The following RYR2 variants were observed in gnomAD, a reference collection of about 807,000 sequenced individuals.
RYR2 encodes ryanodine receptor 2, also known as cardiac muscle ryanodine receptor-calcium release channel.
RYR2 carries 227 observed loss-of-function variants against 601.1 expected under a neutral mutation model. The ratio of observed to expected loss-of-function variants is 0.38; its 90% CI spans 0.34 to 0.42. The LOEUF (loss-of-function observed/expected upper bound fraction) is 0.42. Ranked by LOEUF, RYR2 falls within the 10% of genes least tolerant of loss-of-function variation. The pLI, the probability that RYR2 is intolerant of heterozygous loss-of-function variation, is 1.00. For missense variants in RYR2, 4,646 were observed against 6,156.5 expected (o/e 0.75, Z 8.21); for synonymous variants, 2,223 against 2,175.1 (o/e 1.02, Z -0.61).
intron 11 of RYR2, among the ~76,000 whole-genome samples, chr1:237,421,415 C>T (rs1705559882): frequency 6.6e-6 from 1 of 152,038 alleles, no homozygotes; most frequent in African/African-American, 2.4e-5. Context: ...TAAGACAATA[C>T]CGTGTTATCT....
At position 237,610,727 on chromosome 1, in the gene RYR2, T is replaced by A; in HGVS notation, c.4684-35T>A. 1 of 1,518,834 alleles carries A rather than the reference T, an allele frequency of 6.6e-7. No homozygotes were observed. The highest frequency in any genetic ancestry group is 1.2e-5 in the South Asian group (1 of 83,148). 94.1% of individuals were successfully genotyped at this position (1,518,834 alleles called of 1,614,324 possible). ...ACTTTGTGAACCCCAAGGGATGTTC[T>A]ACATTTATTCTTTTTCTGCCTCCCC... On this transcript the variant is annotated intron_variant, in intron 35 of 104. Coordinates refer to ENST00000366574, the MANE Select transcript of RYR2 (RefSeq NM_001035.3). This position sits in a 1 kb window ranked among gnomAD's most constrained non-coding sequence, Gnocchi z 4.9.
chr1:237,797,163 C>G (rs887290353), intron 96 of RYR2, among the ~76,000 whole-genome samples: 2 of 152,124 alleles, frequency 1.3e-5, no homozygotes, highest in South Asian at 4.2e-4. Context: ...CAGAGTTGGA[C>G]ATAACTGAGC....
chr1:237,382,910 T>C (rs950476209), intron 8 of RYR2, among the ~76,000 whole-genome samples: 11 of 138,008 alleles, frequency 8.0e-5, no homozygotes, highest in African/African-American at 3.3e-4. Context: ...CCTCATTTGT[T>C]TTTGTTTTTT....
In RYR2 at chr1:237,639,000, C is replaced by T. The variant is rs757833713; in HGVS notation, c.6929-15C>T. On this transcript the variant is annotated splice_polypyrimidine_tract_variant and intron_variant, in intron 45 of 104. Coordinates refer to ENST00000366574, the MANE Select transcript of RYR2 (RefSeq NM_001035.3). The stretch of plus-strand genomic sequence containing the variant: ...TAATCATATTTGTTTACTTATCTTC[C>T]CCATTCTACTTTAGGGGAGAGTGTG... 2 of 1,612,604 alleles carry T rather than the reference C, an allele frequency of 1.2e-6. No individual in the cohort carries two copies. Among genetic ancestry groups the T allele is most frequent in the Admixed American group, 1.7e-5 (1 of 59,944 alleles).
intron 14 of RYR2, among the ~76,000 whole-genome samples, chr1:237,452,591 T>G (rs2150207905): frequency 6.7e-6 from 1 of 148,332 alleles, no homozygotes; most frequent in South Asian, 2.1e-4. Flanking sequence ...TTCATTTTTC[T>G]TCTGGATATA....
At chr1:237,112,715 G>A (rs1321622283) in intron 1 of RYR2, among the ~76,000 whole-genome samples, 1 of 152,024 alleles carries the variant, frequency 6.6e-6, no homozygotes, top group South Asian at 2.1e-4. Flanking sequence ...ATGTTTTTAG[G>A]GCTCCACTTT....
intron 92 of RYR2, among the ~76,000 whole-genome samples, chr1:237,788,742 G>A (rs1275715910): frequency 6.6e-6 from 1 of 152,070 alleles, no homozygotes; most frequent in African/African-American, 2.4e-5. Flanking sequence ...ATACTGTCCT[G>A]TACATTTTAC....
chr1:237,200,629 C>A (rs34508266), intron 1 of RYR2, among the ~76,000 whole-genome samples: 3 of 152,098 alleles, frequency 2.0e-5, no homozygotes, highest in Non-Finnish European at 2.9e-5. Flanking sequence ...AGGAAAACTG[C>A]AGATTCTGGG....
intron 25 of RYR2, among the ~76,000 whole-genome samples, chr1:237,533,048 T>C (rs1447259838): frequency 6.6e-6 from 1 of 152,184 alleles, no homozygotes; most frequent in Non-Finnish European, 1.5e-5. Context: ...GTTTGTCTCA[T>C]TGAGGAACTA....
intron 1 of RYR2, among the ~76,000 whole-genome samples, chr1:237,099,143 A>G (rs1197121113): frequency 1.3e-5 from 2 of 151,972 alleles, no homozygotes; most frequent in Admixed American, 6.6e-5. Flanking sequence ...ATCAGCATAC[A>G]TATAACATTT....
chr1:237,612,389 T>C, intron 36 of RYR2, among the ~76,000 whole-genome samples: 1 of 152,310 alleles, frequency 6.6e-6, no homozygotes, highest in South Asian at 2.1e-4. Context: ...CATAAACTAT[T>C]AAATTATGTA....
chr1:237,254,472 A>C (rs1056229065), intron 1 of RYR2, among the ~76,000 whole-genome samples: 44 of 152,216 alleles, frequency 2.9e-4, no homozygotes, highest in Non-Finnish European at 5.6e-4. Context: ...TGATATTTTC[A>C]GTGTCCTTAC....
Position 237,655,864 on chromosome 1 carries a change from G to C in RYR2, c.8009G>C (p.Ser2670Thr). 6.2e-7 allele frequency: 1 copy of C among 1,608,744 alleles called. No homozygotes were observed. The highest frequency in any genetic ancestry group is 8.5e-7 in the Non-Finnish European group (1 of 1,177,316). ...TTCAAACTGGCACTGCCTTGCCTGA[G>C]TGCAGTTGCGGGAGCTTTGCCTCCA... is the stretch of plus-strand genomic sequence containing the variant. ...ELFKLALPCL[S>T]AVAGALPPDY... Residue 2670 changes from serine (S) to threonine (T), a missense_variant, in exon 53 of 105, where the codon AGT becomes ACT. Physicochemically the swap from Ser to Thr is moderately conservative, Grantham distance 58 (BLOSUM62 1). Around this residue, in one of 17 missense-constraint regions of RYR2, gnomAD observed 1,497 missense variants for 1,842.6 expected, o/e 0.81. Transcript: ENST00000366574.
intron 1 of RYR2, among the ~76,000 whole-genome samples, chr1:237,156,395 C>T (rs562133099): frequency 6.6e-6 from 1 of 152,324 alleles, no homozygotes; most frequent in South Asian, 2.1e-4. Flanking sequence ...ACATGTTACA[C>T]TTACCTCCTG....
At chr1:237,445,614 T>C in intron 14 of RYR2, 92 bp downstream of exon 14, 3 of 1,488,118 alleles carry the variant, frequency 2.0e-6, no homozygotes, top group South Asian at 1.2e-5. Context: ...TATGCTATGA[T>C]GGTAATAAAT....
At chr1:237,827,171 T>G (rs553256118) in intron 101 of RYR2, among the ~76,000 whole-genome samples, 31 of 152,284 alleles carry the variant, frequency 2.0e-4, no homozygotes, top group Admixed American at 1.7e-3. Flanking sequence ...TGTGCTCTTA[T>G]TGAGTGTAAA....
chr1:237,490,902 G>A (rs1381653946), intron 17 of RYR2, among the ~76,000 whole-genome samples: 1 of 152,104 alleles, frequency 6.6e-6, no homozygotes, highest in South Asian at 2.1e-4. Context: ...CCTTTCCACA[G>A]GGTTCCTCTG....
chr1:237,157,526 T>C (rs1030070891), intron 1 of RYR2, among the ~76,000 whole-genome samples: 1 of 152,130 alleles, frequency 6.6e-6, no homozygotes, highest in Non-Finnish European at 1.5e-5. Flanking sequence ...AAATGTGATA[T>C]ATACACACAA....
In RYR2 at chr1:237,337,183, C is replaced by T. The variant is rs374781300; in HGVS notation, c.273+6201C>T. Among the ~76,000 whole-genome samples, 12 of 143,906 alleles carry T rather than the reference C, an allele frequency of 8.3e-5. No homozygotes were observed. The South Asian group carries it at 8.8e-4, about 11-fold the overall frequency. The allele number at this position is 143,906 out of a possible 152,430, so 94.4% of individuals were successfully genotyped here. ...ACGAGAATCACTTGAACCCGGGAGG[C>T]GGATTTTGCAGTGAGCCCAGATCGT... On this transcript the variant is annotated intron_variant, in intron 3 of 104. Transcript: ENST00000366574.
Sources: allele counts gnomAD v4.1 joint callset (sites outside exome capture counted in the v4.1 genomes callset), GRCh38; gene constraint gnomAD v4.1.1; regional missense constraint gnomAD v4.1.1; non-coding constraint Gnocchi (gnomAD v3.1); transcripts MANE v1.5; gene names NCBI Gene and HGNC (gene_info 2026-07-23, HGNC 2026-07-21).